P4HA1: variants seen among roughly 807,000 people sequenced by gnomAD.
The protein encoded by P4HA1 is prolyl 4-hydroxylase subunit alpha 1.
P4HA1 carries 24 observed loss-of-function variants against 72.8 expected under a neutral mutation model. The ratio of observed to expected loss-of-function variants is 0.33; its 90% CI spans 0.24 to 0.46. The LOEUF (loss-of-function observed/expected upper bound fraction) is 0.46. P4HA1 is among the 20% of genes least tolerant of loss of function. The pLI is 1.00. For missense variants in P4HA1, 446 were observed against 640.6 expected, an observed-to-expected ratio of 0.70 and a Z score of 3.28; for synonymous variants, 201 against 218.8, an observed-to-expected ratio of 0.92 and a Z score of 0.72.
chr10:73,034,031 A>C (rs148602183), intron 9 of P4HA1, among the ~76,000 whole-genome samples: 35 of 152,220 alleles, frequency 2.3e-4, no homozygotes, highest in African/African-American at 7.9e-4. Flanking sequence ...GCAACCTAGC[A>C]AGACCCTGTC....
chr10:73,029,704 C>T (rs926923491), intron 10 of P4HA1, among the ~76,000 whole-genome samples: 1 of 151,236 alleles, frequency 6.6e-6, no homozygotes, highest in Non-Finnish European at 1.5e-5. Flanking sequence ...TGTTTATTCC[C>T]TATAACTAAC....
intron 10 of P4HA1, among the ~76,000 whole-genome samples, chr10:73,027,399 G>A (rs1309117049): frequency 2.0e-5 from 3 of 149,104 alleles, no homozygotes; most frequent in Non-Finnish European, 4.4e-5. Context: ...ATTGAACAAT[G>A]AGAACACTTG....
In P4HA1 at chr10:73,074,839, A is replaced by G; in HGVS notation, c.45T>C (p.Ser15=). Residue 15 remains serine, a synonymous_variant, in exon 2 of 15, where the codon TCT becomes TCC. Transcript: ENST00000394890. ...AAGTAAAAAAGCCTGGATGAGCCAA[A>G]GACTGGGGAAGCAGAATTCCTATAA... ...ILIIGILLPQ[S]LAHPGFFTSI... The G allele has an allele frequency of 6.3e-7, 1 of 1,576,572 alleles. No individual in the cohort carries two copies. The highest frequency in any genetic ancestry group is 8.7e-7 in the Non-Finnish European group (1 of 1,146,676).
intron 1 of P4HA1, chr10:73,082,557 G>C (rs1223442977): frequency 6.6e-6 from 1 of 152,138 alleles, no homozygotes; most frequent in Non-Finnish European, 1.5e-5. Context: ...AACTCATTGT[G>C]ATCAATTAGT....
intron 5 of P4HA1, among the ~76,000 whole-genome samples, chr10:73,064,495 T>TAAAGAAAAG (rs57109111): frequency 0.16 from 24,148 of 151,132 alleles, 3,195 homozygotes; most frequent in African/African-American, 0.34. Flanking sequence ...ATAAAGAAAA[T>TAAAGAAAAG]AAAGAAAATA....
At chr10:73,009,729 GTTT>G (rs954084922) in intron 14 of P4HA1, 75 bp downstream of exon 14, 1 of 806,662 alleles carries the variant, frequency 1.2e-6, no homozygotes, top group Non-Finnish European at 2.1e-6. Context: ...GGGGGCTTTT[GTTT>G]TTAAGACACA....
Position 73,008,181 on chromosome 10 carries a change from CAT to C in P4HA1, c.*39_*40del. The C allele has an allele frequency of 8.2e-7, 1 of 1,220,222 alleles. No individual in the cohort carries two copies. Among genetic ancestry groups the C allele is most frequent in the African/African-American group, 1.5e-5 (1 of 66,788 alleles). 75.6% of individuals were successfully genotyped at this position (1,220,222 alleles called of 1,614,324 possible). On this transcript the variant is annotated 3_prime_UTR_variant, in exon 15 of 15. Coordinates refer to ENST00000394890, the MANE Select transcript of P4HA1 (RefSeq NM_001017962.3). ...GACTAGGAAATGTGTATATCAGACA[CAT>C]AAGAGTACAACAATAGGAGAAAAAG...
intron 10 of P4HA1, among the ~76,000 whole-genome samples, chr10:73,023,561 A>G (rs1037078582): frequency 2.6e-5 from 4 of 152,328 alleles, no homozygotes; most frequent in Admixed American, 1.3e-4. Context: ...TATAAAGACC[A>G]TCGATGCTAT....
Position 73,052,384 on chromosome 10 carries a change from A to G in P4HA1, c.703+967T>C, listed in dbSNP as rs373618916. Among the ~76,000 whole-genome samples the G allele has an allele frequency of 1.1e-4, 16 of 152,358 alleles. No homozygotes were observed. The South Asian group carries it at 2.5e-3, about 24-fold the overall frequency. On this transcript the variant is annotated intron_variant, in intron 6 of 14. Coordinates refer to ENST00000394890, the MANE Select transcript of P4HA1 (RefSeq NM_001017962.3). The stretch of plus-strand genomic sequence containing the variant: ...TATTAACCTAATTTTGTAAAAGCAA[A>G]GGAAAAGTGTGTGCAGGGAAGAGGC...
intron 9 of P4HA1, among the ~76,000 whole-genome samples, chr10:73,032,408 T>C (rs7094342): frequency 0.16 from 24,218 of 152,138 alleles, 3,208 homozygotes; most frequent in African/African-American, 0.34. Flanking sequence ...TCAATTCTCA[T>C]TGTATTTGTT....
chr10:73,025,632 GAAAT>G (rs1315162753), intron 10 of P4HA1, among the ~76,000 whole-genome samples: 1 of 151,982 alleles, frequency 6.6e-6, no homozygotes, highest in Non-Finnish European at 1.5e-5. Flanking sequence ...GCAAGAGAAA[GAAAT>G]AAAGGGTATT....
At chr10:73,064,145 A>G (rs1299231448) in intron 5 of P4HA1, among the ~76,000 whole-genome samples, 1 of 152,156 alleles carries the variant, frequency 6.6e-6, no homozygotes, top group East Asian at 1.9e-4. Flanking sequence ...AACACTAAAG[A>G]GTCTTTTAAT....
intron 1 of P4HA1, among the ~76,000 whole-genome samples, chr10:73,090,332 C>T (rs1842002498): frequency 6.6e-6 from 1 of 151,362 alleles, no homozygotes; most frequent in African/African-American, 2.4e-5. Context: ...TGAAGTCTTT[C>T]TATGTCGCCC....
intron 10 of P4HA1, among the ~76,000 whole-genome samples, chr10:73,020,329 A>G (rs1840105404): frequency 6.6e-6 from 1 of 152,000 alleles, no homozygotes; most frequent in Non-Finnish European, 1.5e-5. Flanking sequence ...GAAACACACA[A>G]CCTCCCAAGA....
chr10:73,020,543 C>T (rs79401571), intron 10 of P4HA1, among the ~76,000 whole-genome samples: 2 of 152,012 alleles, frequency 1.3e-5, no homozygotes, highest in East Asian at 1.9e-4. Flanking sequence ...AGATTGAGAA[C>T]GAATCTTTCC....
chr10:73,073,629 A>C, intron 3 of P4HA1, 102 bp downstream of exon 3: 2 of 688,408 alleles, frequency 2.9e-6, no homozygotes, highest in South Asian at 3.2e-5. Context: ...TGGCTTTGTA[A>C]GACTCAAAAA....
In P4HA1 at chr10:73,055,747, T is replaced by C. The variant is rs11000505; in HGVS notation, c.464-2157A>G. Among the ~76,000 whole-genome samples the C allele has an allele frequency of 1.7e-3, 254 of 152,362 alleles. 2 individuals carry two copies. Among genetic ancestry groups the C allele is most frequent in the African/African-American group, 5.8e-3 (243 of 41,586 alleles). On this transcript the variant is annotated intron_variant, in intron 5 of 14. Transcript: ENST00000394890. The stretch of plus-strand genomic sequence containing the variant: ...ACACTTCAGAAAATACTTAGTCTCA[T>C]TCATCACTGAAGAAATTAAAACCAC...
intron 9 of P4HA1, among the ~76,000 whole-genome samples, chr10:73,039,854 CTTTTT>C (rs765288935): frequency 8.0e-5 from 7 of 86,994 alleles, no homozygotes; most frequent in South Asian, 4.7e-4. Context: ...CTGAGATGGC[CTTTTT>C]TTTTTTTTTT....
At chr10:73,037,524 A>C (rs1161887744) in intron 9 of P4HA1, among the ~76,000 whole-genome samples, 2 of 63,072 alleles carry the variant, frequency 3.2e-5, no homozygotes, top group Non-Finnish European at 5.8e-5. Context: ...ATCGAAAACC[A>C]CTATATATAT....
Sources: allele counts gnomAD v4.1 joint callset (sites outside exome capture counted in the v4.1 genomes callset), GRCh38; gene constraint gnomAD v4.1.1; transcripts MANE v1.5; gene names NCBI Gene and HGNC (gene_info 2026-07-23, HGNC 2026-07-21).